TRDN: variants seen among roughly 807,000 people sequenced by gnomAD.
TRDN encodes triadin in skeletal muscle.
A neutral mutation model predicts 149.7 loss-of-function variants in TRDN; 161 were observed. The observed-to-expected ratio is 1.08, with a 90% CI of 0.95 to 1.23. The LOEUF is 1.23. Among genes scored for constraint, TRDN ranks in the 50% most tolerant of loss-of-function variants. The pLI is 0.00. For missense variants in TRDN, 896 were observed against 823.5 expected, an observed-to-expected ratio of 1.09 and a Z score of -1.08; for synonymous variants, 294 against 250.5, an observed-to-expected ratio of 1.17 and a Z score of -1.64.
At chr6:123,463,269 G>A (rs879442066) in intron 10 of TRDN, among the ~76,000 whole-genome samples, 7 of 151,574 alleles carry the variant, frequency 4.6e-5, no homozygotes, top group South Asian at 4.2e-4. Context: ...CCCGGGAGGC[G>A]GAGCTTGCAG....
chr6:123,232,377 T>C (rs756085895), intron 38 of TRDN, among the ~76,000 whole-genome samples: 1 of 151,934 alleles, frequency 6.6e-6, no homozygotes, highest in Non-Finnish European at 1.5e-5. Flanking sequence ...GGTTAGCTAT[T>C]TGGGGAGACT....
At chr6:123,544,196 T>C (rs892251982) in intron 4 of TRDN, among the ~76,000 whole-genome samples, 3 of 151,664 alleles carry the variant, frequency 2.0e-5, no homozygotes, top group African/African-American at 7.3e-5. Flanking sequence ...TAACCCTATA[T>C]TTTACTTTTA....
intron 9 of TRDN, among the ~76,000 whole-genome samples, chr6:123,474,702 G>C (rs1777369936): frequency 1.3e-5 from 2 of 151,736 alleles, no homozygotes; most frequent in Admixed American, 1.3e-4. Flanking sequence ...AAATGTAAAA[G>C]AACAGAAATT....
chr6:123,252,152 A>G (rs1347525521), intron 38 of TRDN, among the ~76,000 whole-genome samples: 2 of 152,042 alleles, frequency 1.3e-5, no homozygotes, highest in Non-Finnish European at 2.9e-5. Flanking sequence ...ACATTTATTT[A>G]TTTAAATGCA....
At position 123,593,793 on chromosome 6, in the gene TRDN, A is replaced by G. The variant is rs532326860; in HGVS notation, c.23-22661T>C. On this transcript the variant is annotated intron_variant, in intron 1 of 40. Transcript: ENST00000334268. ...TTCTGGGAATTAGAACTTCAACATA[A>G]GGTTGTGGGAAGATACAATTCAACC... 1.8e-4 allele frequency among the ~76,000 whole-genome samples: 27 copies of G among 152,310 alleles called. No individual in the cohort carries two copies. The South Asian group carries it at 5.4e-3, about 30-fold the overall frequency.
chr6:123,389,485 C>T (rs1361854125), intron 13 of TRDN: 2 of 152,106 alleles, frequency 1.3e-5, no homozygotes, highest in African/African-American at 4.8e-5. Context: ...GGTACATCCT[C>T]TTATTGGGTC....
chr6:123,581,079 T>A (rs770305901), intron 1 of TRDN, among the ~76,000 whole-genome samples: 9 of 152,190 alleles, frequency 5.9e-5, no homozygotes, highest in Non-Finnish European at 1.2e-4. Context: ...TAGAATTCAT[T>A]TTTTGAAGCC....
rs1452000514 is a variant in TRDN at position 123,535,259 on chromosome 6, A to G, written c.425-4694T>C. Among the ~76,000 whole-genome samples, 4 of 152,210 alleles carry G rather than the reference A, an allele frequency of 2.6e-5. No homozygotes were observed. The East Asian group carries it at 7.7e-4, about 29-fold the overall frequency. ...ACTGAGTCACTGGTAGCTTTGCCTA[A>G]TAAGAAAGAATTAGCACTCCACTAA... is the stretch of plus-strand genomic sequence containing the variant. On this transcript the variant is annotated intron_variant, in intron 4 of 40. Coordinates refer to ENST00000334268, the MANE Select transcript of TRDN (RefSeq NM_006073.4).
Position 123,503,894 on chromosome 6 carries a change from CTTCTG to C in TRDN, c.613_617del (p.Gln205GlufsTer3). The C allele has an allele frequency of 6.4e-7, 1 of 1,557,932 alleles. No homozygotes were observed. The highest frequency in any genetic ancestry group is 1.4e-5 in the African/African-American group (1 of 73,242). On this transcript the variant is annotated frameshift_variant and splice_region_variant, in exon 8 of 41. Transcript: ENST00000334268. LOFTEE classifies it high-confidence loss of function. ...CACTCTTTTCTGCAGTCTTAGCTTT[CTTCTG>C]TTCTGTATAAAGTTAAAAGATGTTG...
At position 123,267,568 on chromosome 6, in the gene TRDN, C is replaced by T. The variant is rs1582800490; in HGVS notation, c.1783+139G>A. On this transcript the variant is annotated intron_variant, in intron 32 of 40. Coordinates refer to ENST00000334268, the MANE Select transcript of TRDN (RefSeq NM_006073.4). ...CAATATTGCCCTTAGGTCAGATAAA[C>T]TAGATTACACTACAAAACCACAGGA... The T allele has an allele frequency of 7.8e-6, 4 of 510,430 alleles. No individual in the cohort carries two copies. In the East Asian group the frequency reaches 1.4e-4, roughly 18 times the overall value. The allele number at this position is 510,430 out of a possible 1,614,324, so 31.6% of individuals were successfully genotyped here. A position where few individuals can be genotyped will look rare whatever the true frequency, so the allele number is the denominator to read the frequency against.
At chr6:123,270,700 T>C (rs941162753) in intron 30 of TRDN, among the ~76,000 whole-genome samples, 10 of 152,002 alleles carry the variant, frequency 6.6e-5, no homozygotes, top group Non-Finnish European at 1.5e-4. Flanking sequence ...AGGCAGACTT[T>C]AAAGTTATAT....
rs908252389 is a variant in TRDN at position 123,332,024 on chromosome 6, T to C, written c.1421-95A>G. 3 of 904,462 alleles carry C rather than the reference T, an allele frequency of 3.3e-6. No individual in the cohort carries two copies. The African/African-American group carries it at 5.1e-5, about 15-fold the overall frequency. 56.0% of individuals were successfully genotyped at this position (904,462 alleles called of 1,614,324 possible). ...CAGTAAGCTGAAAGTATCAGTAAGC[T>C]GAAAGTAAGTGGAAACTTTATAATG... On this transcript the variant is annotated intron_variant, in intron 22 of 40. Transcript: ENST00000334268.
At chr6:123,410,743 G>A (rs1773397967) in intron 12 of TRDN, among the ~76,000 whole-genome samples, 1 of 152,022 alleles carries the variant, frequency 6.6e-6, no homozygotes, top group Non-Finnish European at 1.5e-5. Flanking sequence ...AGTCAGCTTT[G>A]AGGGTGAAAT....
chr6:123,472,387 G>T (rs143001601), intron 9 of TRDN, among the ~76,000 whole-genome samples: 1 of 152,150 alleles, frequency 6.6e-6, no homozygotes, highest in Non-Finnish European at 1.5e-5. Context: ...CTTAAAAAAC[G>T]GCGCACCACA....
intron 10 of TRDN, among the ~76,000 whole-genome samples, chr6:123,453,664 A>T (rs1170295091): frequency 6.6e-6 from 1 of 152,212 alleles, no homozygotes. Context: ...GTGGGGATGT[A>T]AACTAGTACA....
chr6:123,590,443 T>G (rs1783722697), intron 1 of TRDN, among the ~76,000 whole-genome samples: 1 of 152,154 alleles, frequency 6.6e-6, no homozygotes, highest in Non-Finnish European at 1.5e-5. Context: ...GTTGTATAAT[T>G]ATTTTATTAT....
At position 123,572,820 on chromosome 6, in the gene TRDN, T is replaced by A. The variant is rs139045608; in HGVS notation, c.23-1688A>T. ...ATATAAAATACATGATTACATTGTT[T>A]CAATTTTACTATTTATCTCAAAATT... On this transcript the variant is annotated intron_variant, in intron 1 of 40. Coordinates refer to ENST00000334268, the MANE Select transcript of TRDN (RefSeq NM_006073.4). Among the ~76,000 whole-genome samples the A allele has an allele frequency of 5.3e-3, 813 of 152,256 alleles. 2 individuals carry two copies. Among genetic ancestry groups the A allele is most frequent in the South Asian group, 0.016 (76 of 4,830 alleles).
intron 9 of TRDN, among the ~76,000 whole-genome samples, chr6:123,465,582 CAAAAAA>C (rs1223948612): frequency 0.033 from 2,183 of 65,548 alleles, 47 homozygotes; most frequent in African/African-American, 0.09. Context: ...TTATGAACTG[CAAAAAA>C]AAAAAAAAAA....
intron 1 of TRDN, among the ~76,000 whole-genome samples, chr6:123,596,741 C>G (rs1191227648): frequency 6.6e-6 from 1 of 152,020 alleles, no homozygotes; most frequent in Non-Finnish European, 1.5e-5. Context: ...GTTTTTTAAT[C>G]TATCAGTGGA....
Sources: gnomAD v4.1 joint callset for allele counts (sites outside exome capture counted in the v4.1 genomes callset) on GRCh38, gnomAD v4.1.1 for gene constraint, MANE v1.5 for transcripts, NCBI Gene and HGNC (gene_info 2026-07-23, HGNC 2026-07-21) for gene names.